Variants in TYW1 observed in about 807,000 individuals in gnomAD.
TYW1 encodes the protein tRNA-yW synthesizing protein 1 homolog, also known as S-adenosyl-L-methionine-dependent tRNA 4-demethylwyosine synthase TYW1.
A neutral mutation model predicts 96.2 loss-of-function variants in TYW1; 46 were observed. The observed-to-expected ratio is 0.48, with a 90% CI of 0.38 to 0.61. The LOEUF (loss-of-function observed/expected upper bound fraction) is 0.61, where lower values mean the gene tolerates loss of function less well. TYW1 is among the 20% of genes least tolerant of loss of function. TYW1 has a pLI of 0.00. For missense variants in TYW1, 684 were observed against 909.6 expected, an observed-to-expected ratio of 0.75 and a Z score of 3.19; for synonymous variants, 274 against 323.0, an observed-to-expected ratio of 0.85 and a Z score of 1.63.
intron 12 of TYW1, among the ~76,000 whole-genome samples, chr7:67,116,357 A>G (rs2115969604): frequency 6.6e-6 from 1 of 151,792 alleles, no homozygotes; most frequent in African/African-American, 2.4e-5. Context: ...AGAAAAGAAA[A>G]AAAGTATAGT....
At chr7:67,235,344 A>T (rs1801850369) in intron 15 of TYW1, among the ~76,000 whole-genome samples, 1 of 152,212 alleles carries the variant, frequency 6.6e-6, no homozygotes, top group Non-Finnish European at 1.5e-5. Flanking sequence ...TAGTTGTCCC[A>T]ATTGGCCCAT....
At chr7:67,018,242 T>C (rs1342304359) in intron 6 of TYW1, 99 bp downstream of exon 6, 5 of 1,470,168 alleles carry the variant, frequency 3.4e-6, no homozygotes, top group Admixed American at 4.6e-5. Context: ...TGGCTTCTGG[T>C]TAGAAGGAAG....
At chr7:67,193,850 G>GTT (rs1217690686) in intron 14 of TYW1, among the ~76,000 whole-genome samples, 50 of 132,624 alleles carry the variant, frequency 3.8e-4, no homozygotes, top group African/African-American at 1.5e-3. Flanking sequence ...ATTTGTGTGT[G>GTT]TTTGTGTGTG....
intron 4 of TYW1, among the ~76,000 whole-genome samples, chr7:67,010,980 A>G (rs113514273): frequency 0.018 from 2,710 of 152,234 alleles, 83 homozygotes; most frequent in African/African-American, 0.061. Flanking sequence ...TCAAAAGCAG[A>G]GAGTATGGGT....
intron 8 of TYW1, among the ~76,000 whole-genome samples, 160 bp from the exon 9 acceptor site, chr7:67,055,675 C>T (rs1246491557): frequency 6.8e-6 from 1 of 148,132 alleles, no homozygotes; most frequent in Non-Finnish European, 1.5e-5. Flanking sequence ...AAATTGTTTT[C>T]TCATCTTGCT....
At chr7:67,142,160 A>G (rs35122750) in intron 13 of TYW1, among the ~76,000 whole-genome samples, 34,042 of 152,004 alleles carry the variant, frequency 0.22, 3,917 homozygotes, top group South Asian at 0.28. Context: ...CAGTGGCACA[A>G]TCATGGTTCT....
At chr7:67,101,461 G>A (rs67737819) in intron 12 of TYW1, among the ~76,000 whole-genome samples, 36,829 of 152,082 alleles carry the variant, frequency 0.24, 4,717 homozygotes, top group African/African-American at 0.31. Context: ...TTAAGATCAC[G>A]GTTATTTCTA....
At position 67,151,577 on chromosome 7, in the gene TYW1, T is replaced by C. The variant is rs546510249; in HGVS notation, c.1699-31549T>C. Among the ~76,000 whole-genome samples, 4 of 152,220 alleles carry C rather than the reference T, an allele frequency of 2.6e-5. No individual in the cohort carries two copies. The South Asian group carries it at 8.3e-4, about 32-fold the overall frequency. On this transcript the variant is annotated intron_variant, in intron 13 of 15. Coordinates refer to ENST00000359626, the MANE Select transcript of TYW1 (RefSeq NM_018264.4). ...AATCTTCACAGTTAAGGAAAATACATAGAGGAATATATCTACAAGCAGTAG... is the reference window on the plus strand; with the variant it reads ...AATCTTCACAGTTAAGGAAAATACACAGAGGAATATATCTACAAGCAGTAG...
intron 13 of TYW1, among the ~76,000 whole-genome samples, chr7:67,153,925 CTTTTTTTTTT>C (rs34003922): frequency 8.4e-5 from 11 of 130,314 alleles, no homozygotes; most frequent in Non-Finnish European, 1.1e-4. Context: ...TAACGACTTT[CTTTTTTTTTT>C]TTTTTTTTTT....
intron 8 of TYW1, among the ~76,000 whole-genome samples, chr7:67,053,840 T>A (rs1429295027): frequency 2.6e-5 from 4 of 152,268 alleles, no homozygotes; most frequent in Non-Finnish European, 5.9e-5. Context: ...AAATCCCCTG[T>A]AGACTCTTGG....
intron 10 of TYW1, among the ~76,000 whole-genome samples, chr7:67,071,325 G>A (rs1235954444): frequency 6.6e-6 from 1 of 151,368 alleles, no homozygotes; most frequent in East Asian, 1.9e-4. Flanking sequence ...CTTAAGCTCA[G>A]GGGTCAGCTA....
At chr7:67,133,210 C>T (rs1235027428) in intron 13 of TYW1, among the ~76,000 whole-genome samples, 5 of 152,142 alleles carry the variant, frequency 3.3e-5, no homozygotes, top group African/African-American at 7.2e-5. Flanking sequence ...CATCATGGCT[C>T]ACTGCAGTCT....
At chr7:67,027,166 C>T (rs1349216204) in intron 7 of TYW1, among the ~76,000 whole-genome samples, 1 of 151,674 alleles carries the variant, frequency 6.6e-6, no homozygotes, top group Admixed American at 6.6e-5. Context: ...TGTCACTGCA[C>T]CCCGGCCTGC....
chr7:67,073,635 G>A (rs575098846), intron 10 of TYW1, among the ~76,000 whole-genome samples: 32 of 151,564 alleles, frequency 2.1e-4, no homozygotes, highest in Non-Finnish European at 3.5e-4. Flanking sequence ...TTAGCTGGGC[G>A]TGGTGGCAGG....
chr7:67,111,413 A>T (rs1797401872), intron 12 of TYW1, among the ~76,000 whole-genome samples: 1 of 152,100 alleles, frequency 6.6e-6, no homozygotes, highest in Non-Finnish European at 1.5e-5. Flanking sequence ...GTTGGCCAGG[A>T]TGGTCTTGAA....
intron 10 of TYW1, among the ~76,000 whole-genome samples, chr7:67,075,173 T>G (rs562067336): frequency 2.0e-5 from 3 of 152,350 alleles, no homozygotes; most frequent in East Asian, 1.9e-4. Context: ...CCACCAATTT[T>G]CAGAAGGATA....
At chr7:67,141,457 C>G (rs1354939213) in intron 13 of TYW1, among the ~76,000 whole-genome samples, 5 of 152,212 alleles carry the variant, frequency 3.3e-5, no homozygotes, top group Non-Finnish European at 5.9e-5. Context: ...GGTACAGTGG[C>G]TACTGAAAAG....
intron 10 of TYW1, among the ~76,000 whole-genome samples, chr7:67,074,178 A>G (rs1160803670): frequency 6.6e-6 from 1 of 152,192 alleles, no homozygotes; most frequent in Non-Finnish European, 1.5e-5. Flanking sequence ...CTTGCAAGAC[A>G]AAAGTATGTT....
At chr7:67,085,727 G>A (rs1324958419) in intron 11 of TYW1, among the ~76,000 whole-genome samples, 1 of 152,144 alleles carries the variant, frequency 6.6e-6, no homozygotes, top group African/African-American at 2.4e-5. Context: ...CCAGGACTTT[G>A]AGAGGCTGAG....
Sources: allele counts gnomAD v4.1 joint callset (sites outside exome capture counted in the v4.1 genomes callset), GRCh38; gene constraint gnomAD v4.1.1; transcripts MANE v1.5; gene names NCBI Gene and HGNC (gene_info 2026-07-23, HGNC 2026-07-21).